SLC24A2: variants seen among roughly 807,000 people sequenced by gnomAD.
The protein encoded by SLC24A2 is solute carrier family 24 member 2.
In SLC24A2, 36 loss-of-function variants were observed where a neutral mutation model predicts 62.0. That is an observed-to-expected ratio of 0.58 (90% CI 0.44 to 0.77). SLC24A2 has a LOEUF of 0.77. Among genes scored for constraint, SLC24A2 ranks in the 30% least tolerant of loss-of-function variants. The probability of loss-of-function intolerance (pLI) is 0.00; values close to 1 mark genes in which losing one functional copy is unlikely to be tolerated. For missense variants in SLC24A2, 846 were observed against 817.9 expected (o/e 1.03, Z -0.42); for synonymous variants, 358 against 294.0 (o/e 1.22, Z -2.23).
chr9:19,597,305 A>C, intron 4 of SLC24A2, 26 bp from the exon 5 acceptor site: 1 of 1,438,132 alleles, frequency 7.0e-7, no homozygotes, highest in Non-Finnish European at 9.8e-7. Context: ...AAAAGACACA[A>C]AGATAAGGAA....
At chr9:19,538,782 C>A (rs1304060337) in intron 8 of SLC24A2, among the ~76,000 whole-genome samples, 26 of 127,702 alleles carry the variant, frequency 2.0e-4, no homozygotes, top group Non-Finnish European at 3.6e-4. Context: ...AGGAATGGTA[C>A]CAGCTCCTCC....
intron 2 of SLC24A2, chr9:19,705,643 A>C (rs1016277145): frequency 4.5e-6 from 1 of 223,496 alleles, no homozygotes; most frequent in Non-Finnish European, 9.7e-6. Flanking sequence ...GGATGAAGAA[A>C]TGAAGGACCT....
At chr9:19,978,451 G>A in the SLC24A2 span, among the ~76,000 whole-genome samples, 1 of 151,872 alleles carries the variant, frequency 6.6e-6, no homozygotes, top group Non-Finnish European at 1.5e-5. Context: ...GTAGATAGAG[G>A]AAATGTGAAC....
chr9:20,260,403 A>G, the SLC24A2 span, among the ~76,000 whole-genome samples: 10 of 152,316 alleles, frequency 6.6e-5, 1 homozygote, highest in South Asian at 2.1e-3. Context: ...AAAGAAAACT[A>G]CTAATTAAGA....
chr9:20,104,575 C>G, the SLC24A2 span, among the ~76,000 whole-genome samples: 2 of 152,170 alleles, frequency 1.3e-5, no homozygotes, highest in African/African-American at 4.8e-5. Context: ...ACTTTCAACC[C>G]AGAATTTCAT....
At chr9:20,270,715 G>C in the SLC24A2 span, among the ~76,000 whole-genome samples, 1 of 152,168 alleles carries the variant, frequency 6.6e-6, no homozygotes, top group Non-Finnish European at 1.5e-5. Context: ...AGACTCTGGG[G>C]ATATAACAGT....
At chr9:20,073,809 T>C in the SLC24A2 span, among the ~76,000 whole-genome samples, 2 of 151,300 alleles carry the variant, frequency 1.3e-5, no homozygotes, top group South Asian at 2.1e-4. Flanking sequence ...ACATTGTGTA[T>C]GTATATGTGC....
intron 2 of SLC24A2, among the ~76,000 whole-genome samples, chr9:19,736,298 G>A (rs1009413696): frequency 5.9e-5 from 9 of 151,988 alleles, no homozygotes; most frequent in Non-Finnish European, 1.2e-4. Flanking sequence ...ACAGATGATG[G>A]ATTTAAACCC....
At chr9:20,169,813 T>C in the SLC24A2 span, among the ~76,000 whole-genome samples, 1 of 151,886 alleles carries the variant, frequency 6.6e-6, no homozygotes, top group Admixed American at 6.6e-5. Context: ...TCAACAGCAA[T>C]GGTTCCAAAC....
chr9:19,631,966 T>C (rs1246977440), intron 2 of SLC24A2, among the ~76,000 whole-genome samples: 5 of 152,130 alleles, frequency 3.3e-5, no homozygotes, highest in Non-Finnish European at 7.4e-5. Context: ...TTGAATGGAA[T>C]AGGCCCACCA....
chr9:19,911,640 G>A, the SLC24A2 span, among the ~76,000 whole-genome samples: 10 of 152,110 alleles, frequency 6.6e-5, no homozygotes, highest in East Asian at 1.9e-4. Context: ...CTGATATGGC[G>A]TCCAGTCTCA....
At chr9:19,547,728 C>G (rs1178416210) in intron 8 of SLC24A2, among the ~76,000 whole-genome samples, 1 of 151,478 alleles carries the variant, frequency 6.6e-6, no homozygotes, top group African/African-American at 2.5e-5. Flanking sequence ...GGGGCCACAC[C>G]ACATGAGGCC....
the SLC24A2 span, among the ~76,000 whole-genome samples, chr9:19,911,416 C>G: frequency 1.3e-5 from 2 of 152,052 alleles, no homozygotes; most frequent in African/African-American, 4.8e-5. Flanking sequence ...GATTTATAGT[C>G]CTTTGGGTAT....
At chr9:19,517,946 C>G (rs951195180) in intron 10 of SLC24A2, among the ~76,000 whole-genome samples, 3 of 149,920 alleles carry the variant, frequency 2.0e-5, no homozygotes, top group Non-Finnish European at 4.4e-5. Flanking sequence ...CACACACACA[C>G]ACACACACAC....
rs775537204 is a variant in SLC24A2 at position 19,513,342 on chromosome 9, G to C, written c.*2811C>G. The C allele has an allele frequency of 1.7e-4, 26 of 152,056 alleles. No individual in the cohort carries two copies. Among genetic ancestry groups the C allele is most frequent in the Middle Eastern group, 3.4e-3 (1 of 294 alleles). The allele number at this position is 152,056 out of a possible 1,614,324, so 9.4% of individuals were successfully genotyped here. A position where few individuals can be genotyped will look rare whatever the true frequency, so the allele number is the denominator to read the frequency against. On this transcript the variant is annotated 3_prime_UTR_variant, in exon 11 of 11. Transcript: ENST00000341998. Reference sequence around the variant, plus strand: ...TGTTGAACTCTGTACACATCTCTCTGAATTTACCCTGGCTCAACACATAAC... The same window carrying C: ...TGTTGAACTCTGTACACATCTCTCTCAATTTACCCTGGCTCAACACATAAC...
chr9:19,860,234 T>C, the SLC24A2 span, among the ~76,000 whole-genome samples: 6 of 152,122 alleles, frequency 3.9e-5, no homozygotes, highest in Non-Finnish European at 7.4e-5. Flanking sequence ...GAGGACTTTA[T>C]TTTACATCTT....
chr9:20,128,581 T>C, the SLC24A2 span, among the ~76,000 whole-genome samples: 1 of 152,106 alleles, frequency 6.6e-6, no homozygotes, highest in Non-Finnish European at 1.5e-5. Context: ...AAGGTCTTTT[T>C]CCCCAGGATC....
At chr9:19,873,552 T>TTCTTTCTTTCTTTCTTTCTTTCTC in the SLC24A2 span, among the ~76,000 whole-genome samples, 32 of 149,578 alleles carry the variant, frequency 2.1e-4, no homozygotes, top group East Asian at 3.9e-3. Flanking sequence ...CTTTCTTTCT[T>TTCTTTCTTTCTTTCTTTCTTTCTC]TCTCTCTCTC....
chr9:20,254,028 CA>C, the SLC24A2 span, among the ~76,000 whole-genome samples: 1 of 152,150 alleles, frequency 6.6e-6, no homozygotes, highest in East Asian at 1.9e-4. Context: ...GAGACAAAGA[CA>C]GGCAGGGAGT....
Sources: gnomAD v4.1 joint callset for allele counts (sites outside exome capture counted in the v4.1 genomes callset) on GRCh38, gnomAD v4.1.1 for gene constraint, MANE v1.5 for transcripts, NCBI Gene and HGNC (gene_info 2026-07-23, HGNC 2026-07-21) for gene names.